AMOTL2: variants seen among roughly 807,000 people sequenced by gnomAD.
AMOTL2 encodes the protein angiomotin-like protein 2.
Under a neutral mutation model 78.4 loss-of-function variants are expected in AMOTL2, and 33 were observed. The ratio of observed to expected loss-of-function variants is 0.42; its 90% CI spans 0.32 to 0.56. The LOEUF is 0.56. AMOTL2 is among the 20% of genes least tolerant of loss of function. The probability of loss-of-function intolerance (pLI) is 0.12; values close to 1 mark genes in which losing one functional copy is unlikely to be tolerated. For synonymous variants in AMOTL2, 422 were observed against 428.8 expected (o/e 0.98, Z 0.20); for missense variants, 983 against 1,030.1 (o/e 0.95, Z 0.63).
chr3:134,360,022 T>G, intron 7 of AMOTL2, 84 bp downstream of exon 7: 1 of 1,434,868 alleles, frequency 7.0e-7, no homozygotes, highest in Non-Finnish European at 9.4e-7. Context: ...AAGGGGCCTG[T>G]TTATCAGGGA....
chr3:134,358,798 T>C (rs1357343126), intron 8 of AMOTL2, 79 bp from the exon 9 acceptor site: 6 of 1,538,924 alleles, frequency 3.9e-6, no homozygotes, highest in Non-Finnish European at 5.3e-6. Flanking sequence ...TAACTGTCCC[T>C]GCTGGGGATT....
chr3:134,361,833 G>T (rs753273939), intron 5 of AMOTL2, 26 bp from the exon 6 acceptor site: 41 of 1,500,238 alleles, frequency 2.7e-5, no homozygotes, highest in Non-Finnish European at 3.5e-5. Context: ...GGCTTGATCA[G>T]TGACAGTGAC....
At position 134,366,363 on chromosome 3, in the gene AMOTL2, C is replaced by T. The variant is rs142974587; in HGVS notation, c.1106G>A (p.Arg369His). ...HESLTRASSK[R>H]EALEKTMRNK... ...CCGCATGGTCTTCTCCAGGGCCTCA[C>T]GCTTGGAGGAGGCTCTGGTCAGGCT... Residue 369 changes from arginine to histidine, a missense_variant, in exon 4 of 10, where the codon CGT (arginine) becomes CAT (histidine). Transcript: ENST00000249883. 7.7e-4 allele frequency: 1,250 copies of T among 1,614,122 alleles called. 1 individual carries two copies. Among genetic ancestry groups the T allele is most frequent in the Non-Finnish European group, 1.0e-3 (1,176 of 1,180,028 alleles).
rs1162024367 is a variant in AMOTL2 at position 134,359,347 on chromosome 3, C to G, written c.2040G>C (p.Gln680His). Residue 680 changes from glutamine to histidine, a missense_variant, in exon 8 of 10, where the codon CAG becomes CAC. Transcript: ENST00000249883. ...SVFAAAAAGT[Q>H]GWQGLSSSER... Reference sequence around the variant, plus strand: ...CACTAGAAGAGAGCCCTTGCCAGCCCTGGGTTCCTGCTGCCGCAGCCGCGA... The same window carrying G: ...CACTAGAAGAGAGCCCTTGCCAGCCGTGGGTTCCTGCTGCCGCAGCCGCGA... 3 of 1,614,218 alleles carry G rather than the reference C, an allele frequency of 1.9e-6. No individual in the cohort carries two copies. The Admixed American group carries it at 5.0e-5, about 27-fold the overall frequency.
rs536899690 is a variant in AMOTL2, at chr3:134,356,569, A to G, written c.*1136T>C. On this transcript the variant is annotated 3_prime_UTR_variant, in exon 10 of 10. Coordinates refer to ENST00000249883, the MANE Select transcript of AMOTL2 (RefSeq NM_016201.4). ...TGATGGGGGCTCCATTCAGAGGACT[A>G]TTTGACTCTTGTAGCTCATTAACTA... 1 of 152,790 alleles carries G rather than the reference A, an allele frequency of 6.5e-6. No homozygotes were observed. The highest frequency in any genetic ancestry group is 2.1e-4 in the South Asian group (1 of 4,824). 9.5% of individuals were successfully genotyped at this position (152,790 alleles called of 1,614,324 possible).
At position 134,371,250 on chromosome 3, in the gene AMOTL2, C is replaced by T. The variant is rs2017848518; in HGVS notation, c.184G>A (p.Asp62Asn). Residue 62 changes from aspartate (D) to asparagine (N), a missense_variant, in exon 2 of 10, where the codon GAC becomes AAC. Transcript: ENST00000249883. ...GTGGCCTGCTGCAGCACCTGACTGT[C>T]CTCTGGGGCCAGGATCTCCAGGGAG... Reference protein sequence around the residue: ...QASLEILAPEDSQVLQQATRQ... With the variant: ...QASLEILAPENSQVLQQATRQ... 1.2e-6 allele frequency: 2 copies of T among 1,613,146 alleles called. No individual in the cohort carries two copies. The highest frequency in any genetic ancestry group is 8.5e-7 in the Non-Finnish European group (1 of 1,180,002).
At chr3:134,358,332 C>T (rs1469743688) in intron 9 of AMOTL2, among the ~76,000 whole-genome samples, 1 of 152,168 alleles carries the variant, frequency 6.6e-6, no homozygotes, top group Non-Finnish European at 1.5e-5. Context: ...TCAGGGTTTC[C>T]AATTTCCCTA....
chr3:134,374,365 C>A lies in AMOTL2; in HGVS notation c.-85G>T. 1 of 969,250 alleles carries A rather than the reference C, an allele frequency of 1.0e-6. No individual in the cohort carries two copies. The highest frequency in any genetic ancestry group is 1.2e-6 in the Non-Finnish European group (1 of 825,646). The allele number at this position is 969,250 out of a possible 1,614,324, so 60.0% of individuals were successfully genotyped here. ...ACCGCTGCGGCCCGAGGGTGCCCAG[C>A]GCAGTCAGACACCACAACCTCCGGC... is the stretch of plus-strand genomic sequence containing the variant. On this transcript the variant is annotated 5_prime_UTR_variant, in exon 1 of 10. Coordinates refer to ENST00000249883, the MANE Select transcript of AMOTL2 (RefSeq NM_016201.4).
At chr3:134,359,197 A>G (rs925874095) in intron 8 of AMOTL2, 86 bp downstream of exon 8, 3 of 1,458,494 alleles carry the variant, frequency 2.1e-6, no homozygotes, top group Non-Finnish European at 2.9e-6. Flanking sequence ...CTATAGCCTC[A>G]GTTCTGGGAG....
Position 134,371,052 on chromosome 3 carries a change from C to T in AMOTL2, c.382G>A (p.Ala128Thr). The change falls in exon 2 of 10, where the codon GCG becomes ACG. Residue 128 changes from alanine to threonine, a missense_variant. Transcript: ENST00000249883. ...GCCCCACGGGGATCTCGGTCCCCCG[C>T]ATGTGGCCGGGTCCCTGCCTGCTGG... is the stretch of plus-strand genomic sequence containing the variant. Reference protein sequence around the residue: ...AAQQAGTRPHAGDRDPRGAPG... With the variant: ...AAQQAGTRPHTGDRDPRGAPG... 1 of 1,609,270 alleles carries T rather than the reference C, an allele frequency of 6.2e-7. No homozygotes were observed. Among genetic ancestry groups the T allele is most frequent in the Non-Finnish European group, 8.5e-7 (1 of 1,177,858 alleles).
At chr3:134,367,229 C>G (rs1356493156) in intron 3 of AMOTL2, among the ~76,000 whole-genome samples, 1 of 152,080 alleles carries the variant, frequency 6.6e-6, no homozygotes, top group South Asian at 2.1e-4. Flanking sequence ...GTGCAAGGAG[C>G]TGGTGAATGG....
chr3:134,358,788 T>G, intron 8 of AMOTL2, 69 bp from the exon 9 acceptor site: 1 of 1,573,248 alleles, frequency 6.4e-7, no homozygotes, highest in Non-Finnish European at 8.7e-7. Context: ...CACTCTAAGT[T>G]AACTGTCCCT....
At chr3:134,366,192 G>A in intron 4 of AMOTL2, 91 bp downstream of exon 4, 1 of 1,518,518 alleles carries the variant, frequency 6.6e-7, no homozygotes, top group Non-Finnish European at 8.9e-7. Flanking sequence ...ACTTTTGACA[G>A]AGAATAGAGA....
At position 134,359,490 on chromosome 3, in the gene AMOTL2, G is replaced by T; in HGVS notation, c.1897C>A (p.His633Asn). ...GCATCCTTCTCCAGGATCTGGGCAT[G>T]GAGCACCTTTAACCTGAGGGGTGAG... ...QEMESRLKVL[H>N]AQILEKDAVI... Residue 633 changes from histidine to asparagine, a missense_variant, in exon 8 of 10, where the codon CAT becomes AAT. By Grantham distance (68) the His-to-Asn change is moderately conservative. Transcript: ENST00000249883. The T allele has an allele frequency of 6.2e-7, 1 of 1,613,620 alleles. No homozygotes were observed. The highest frequency in any genetic ancestry group is 8.5e-7 in the Non-Finnish European group (1 of 1,179,930).
At position 134,356,777 on chromosome 3, in the gene AMOTL2, A is replaced by C. The variant is rs2017100925; in HGVS notation, c.*928T>G. ...TTCATCTGGCTCAGGGTTTATGACC[A>C]AACTGACAGGATGTTCCAGGGACAG... is the stretch of plus-strand genomic sequence containing the variant. On this transcript the variant is annotated 3_prime_UTR_variant, in exon 10 of 10. Transcript: ENST00000249883. 1 of 152,694 alleles carries C rather than the reference A, an allele frequency of 6.5e-6. No homozygotes were observed. Among genetic ancestry groups the C allele is most frequent in the Non-Finnish European group, 1.5e-5 (1 of 68,114 alleles). 9.5% of individuals were successfully genotyped at this position (152,694 alleles called of 1,614,324 possible).
In AMOTL2 at chr3:134,358,612, T is replaced by A. The variant is rs137862766; in HGVS notation, c.2212A>T (p.Thr738Ser). Residue 738 changes from threonine to serine, a missense_variant, in exon 9 of 10, where the codon ACC becomes TCC. Transcript: ENST00000249883. ...GGCTCCGGTGGCAGGCAGGTGGAGG[T>A]GCTGTCTGGGGGGCCCTCAGTCTGG... ...STQTEGPPDSTSTCLPPEPDS... is the reference protein window; with the variant it reads ...STQTEGPPDSSSTCLPPEPDS... 1 of 1,613,400 alleles carries A rather than the reference T, an allele frequency of 6.2e-7. No homozygotes were observed. Among genetic ancestry groups the A allele is most frequent in the Admixed American group, 1.7e-5 (1 of 59,976 alleles).
chr3:134,375,129 C>T (rs1367908796), upstream of AMOTL2: 32 of 1,525,210 alleles, frequency 2.1e-5, no homozygotes, highest in Non-Finnish European at 2.5e-5. Flanking sequence ...TATTTTACGA[C>T]CGTCTCGACA....
At chr3:134,374,458 G>A (rs2018012443), upstream of AMOTL2, 5 of 985,252 alleles carry the variant, frequency 5.1e-6, no homozygotes, top group African/African-American at 3.5e-5. Flanking sequence ...GGCTGTTCGC[G>A]CCCCAGCGCG....
chr3:134,357,538 CCCTGGGGTCCTCCTCCTGAGCT>C lies in AMOTL2; in HGVS notation c.*145_*166del. 1 of 714,828 alleles carries C rather than the reference CCCTGGGGTCCTCCTCCTGAGCT, an allele frequency of 1.4e-6. No individual in the cohort carries two copies. Among genetic ancestry groups the C allele is most frequent in the South Asian group, 1.6e-5 (1 of 61,124 alleles). 44.3% of individuals were successfully genotyped at this position (714,828 alleles called of 1,614,324 possible). A position where few individuals can be genotyped will look rare whatever the true frequency, so the allele number is the denominator to read the frequency against. On this transcript the variant is annotated 3_prime_UTR_variant, in exon 10 of 10. Transcript: ENST00000249883. ...CCGGTGCTCTCACAGCTCTCCTCTCCCCTGGGGTCCTCCTCCTGAGCTCCTGGGACCAGATGGTCAATGGGAA... is the reference window on the plus strand; with the variant it reads ...CCGGTGCTCTCACAGCTCTCCTCTCCCCTGGGACCAGATGGTCAATGGGAA...
Sources: gnomAD v4.1 joint callset for allele counts (sites outside exome capture counted in the v4.1 genomes callset) on GRCh38, gnomAD v4.1.1 for gene constraint, MANE v1.5 for transcripts, NCBI Gene and HGNC (gene_info 2026-07-23, HGNC 2026-07-21) for gene names.